GRIK1: variants seen among roughly 807,000 people sequenced by gnomAD.
GRIK1 encodes glutamate receptor ionotropic, kainate 1.
A neutral mutation model predicts 105.7 loss-of-function variants in GRIK1; 69 were observed. The observed-to-expected ratio is 0.65, with a 90% CI of 0.54 to 0.80. The LOEUF is 0.80. Ranked by LOEUF, GRIK1 falls within the 30% of genes least tolerant of loss-of-function variation. The pLI is 0.00. For synonymous variants in GRIK1, 438 were observed against 431.3 expected, an observed-to-expected ratio of 1.02 and a Z score of -0.19; for missense variants, 1,109 against 1,167.3, an observed-to-expected ratio of 0.95 and a Z score of 0.73.
At chr21:29,727,980 G>A (rs1018812895) in intron 1 of GRIK1, among the ~76,000 whole-genome samples, 2 of 152,230 alleles carry the variant, frequency 1.3e-5, no homozygotes, top group Admixed American at 1.3e-4. Context: ...CAGCAGATCC[G>A]CCCTCCCTCT....
intron 1 of GRIK1, among the ~76,000 whole-genome samples, chr21:29,695,518 A>C: frequency 6.6e-6 from 1 of 151,836 alleles, no homozygotes; most frequent in East Asian, 1.9e-4. Context: ...TCTGTTGCCC[A>C]GGCTGGAGGG....
intron 7 of GRIK1, among the ~76,000 whole-genome samples, chr21:29,628,152 G>T (rs1472811849): frequency 3.9e-5 from 6 of 152,134 alleles, no homozygotes; most frequent in African/African-American, 7.2e-5. Flanking sequence ...TCCATGTCAG[G>T]TCACCCACAA....
chr21:29,537,496 T>A, intron 17 of GRIK1, 111 bp from the exon 18 acceptor site: 1 of 863,044 alleles, frequency 1.2e-6, no homozygotes. Flanking sequence ...TGAAGGCAGC[T>A]CTGTCACAAT....
Position 29,787,775 on chromosome 21 carries a change from C to T in GRIK1, c.119-93712G>A, listed in dbSNP as rs138074719. On this transcript the variant is annotated intron_variant, in intron 1 of 17. Transcript: ENST00000327783. ...ATGCAACAGACATTTTTTGGTAGAA[C>T]GCCAGGAACATTTATCAATCTTGCT... 2.1e-3 allele frequency among the ~76,000 whole-genome samples: 324 copies of T among 152,242 alleles called. 2 individuals are homozygous for T. Among genetic ancestry groups the T allele is most frequent in the African/African-American group, 6.5e-3 (269 of 41,546 alleles).
chr21:29,681,243 A>C lies in GRIK1; in HGVS notation c.545-8079T>G, dbSNP rs1353373714. Reference sequence around the variant, plus strand: ...GAATGTATCCCCTTAGGATGAGTAGAGACTACTGCAGAATGTTACTCTGAT... The same window carrying C: ...GAATGTATCCCCTTAGGATGAGTAGCGACTACTGCAGAATGTTACTCTGAT... On this transcript the variant is annotated intron_variant, in intron 3 of 17. Transcript: ENST00000327783. Among the ~76,000 whole-genome samples the C allele has an allele frequency of 2.6e-5, 4 of 152,358 alleles. No individual in the cohort carries two copies. In the East Asian group the frequency reaches 7.7e-4, roughly 29 times the overall value.
chr21:29,676,470 A>G (rs1056730357), intron 3 of GRIK1, among the ~76,000 whole-genome samples: 1 of 152,236 alleles, frequency 6.6e-6, no homozygotes, highest in Non-Finnish European at 1.5e-5. Flanking sequence ...GCAGCAATCC[A>G]TCAGTCATTT....
At chr21:29,939,030 G>A (rs886294312) in intron 1 of GRIK1, among the ~76,000 whole-genome samples, 1 of 152,142 alleles carries the variant, frequency 6.6e-6, no homozygotes, top group African/African-American at 2.4e-5. Context: ...CCAGGAGGCT[G>A]GGAGAGCTCA....
At chr21:29,605,243 T>C (rs147089645) in intron 7 of GRIK1, among the ~76,000 whole-genome samples, 74 of 152,260 alleles carry the variant, frequency 4.9e-4, no homozygotes, top group African/African-American at 1.7e-3. Context: ...CAGGCCCTAG[T>C]GTGTTTTGTT....
chr21:29,843,288 C>A (rs1228920725), intron 1 of GRIK1, among the ~76,000 whole-genome samples: 1 of 152,188 alleles, frequency 6.6e-6, no homozygotes, highest in Non-Finnish European at 1.5e-5. Context: ...CCTCTGAGTT[C>A]AACCCAATTC....
chr21:29,861,960 T>C (rs1234544510), intron 1 of GRIK1, among the ~76,000 whole-genome samples: 1 of 152,168 alleles, frequency 6.6e-6, no homozygotes, highest in Non-Finnish European at 1.5e-5. Flanking sequence ...ATTGTCTTTG[T>C]CTAGGTAATA....
At chr21:29,546,292 T>C (rs905864029) in intron 16 of GRIK1, among the ~76,000 whole-genome samples, 3 of 152,224 alleles carry the variant, frequency 2.0e-5, no homozygotes, top group Admixed American at 6.5e-5. Context: ...TTCTCTGAGA[T>C]TGAGGAAGAC....
intron 7 of GRIK1, among the ~76,000 whole-genome samples, chr21:29,615,327 T>C (rs948349811): frequency 1.3e-5 from 2 of 148,236 alleles, no homozygotes; most frequent in African/African-American, 5.3e-5. Context: ...TCTTTCTTTT[T>C]TTGATACAGA....
intron 1 of GRIK1, among the ~76,000 whole-genome samples, chr21:29,862,573 G>A (rs9980944): frequency 0.061 from 9,242 of 152,194 alleles, 692 homozygotes; most frequent in African/African-American, 0.18. Flanking sequence ...CATCCATCAT[G>A]AGGTGTGGGT....
intron 16 of GRIK1, among the ~76,000 whole-genome samples, chr21:29,552,326 A>G (rs1028344223): frequency 3.3e-5 from 5 of 152,152 alleles, no homozygotes; most frequent in African/African-American, 1.2e-4. Context: ...TCTCTTATTC[A>G]CTAGTGAGGA....
At chr21:29,587,864 C>T (rs571280661) in intron 11 of GRIK1, among the ~76,000 whole-genome samples, 2 of 150,798 alleles carry the variant, frequency 1.3e-5, no homozygotes, top group Admixed American at 6.6e-5. Context: ...CAGGAAGATG[C>T]CTTTAAAAAG....
intron 1 of GRIK1, among the ~76,000 whole-genome samples, chr21:29,701,247 G>T (rs893292349): frequency 5.3e-5 from 8 of 152,198 alleles, no homozygotes; most frequent in Non-Finnish European, 8.8e-5. Flanking sequence ...TATTTTAGAA[G>T]GGGAATTGGT....
chr21:29,849,064 A>T (rs929695189), intron 1 of GRIK1, among the ~76,000 whole-genome samples: 10 of 152,088 alleles, frequency 6.6e-5, no homozygotes, highest in Non-Finnish European at 1.5e-5. Context: ...CTGGCATATA[A>T]TAGTTGCCAA....
chr21:29,757,726 A>C (rs1216981920), intron 1 of GRIK1, among the ~76,000 whole-genome samples: 4 of 152,222 alleles, frequency 2.6e-5, no homozygotes. Flanking sequence ...CTTCTGCATT[A>C]ATGATATTTT....
chr21:29,872,906 CATATCAAACCCA>C (rs1320586127), intron 1 of GRIK1, among the ~76,000 whole-genome samples: 2 of 152,122 alleles, frequency 1.3e-5, no homozygotes, highest in African/African-American at 4.8e-5. Flanking sequence ...GCAGCCAAAC[CATATCAAACCCA>C]ATATATTTGT....
Sources: gnomAD v4.1 joint callset for allele counts (sites outside exome capture counted in the v4.1 genomes callset) on GRCh38, gnomAD v4.1.1 for gene constraint, MANE v1.5 for transcripts, NCBI Gene and HGNC (gene_info 2026-07-23, HGNC 2026-07-21) for gene names.